PSG11: variants seen among roughly 807,000 people sequenced by gnomAD.
PSG11 encodes pregnancy specific beta-1-glycoprotein 11, also known as pregnancy-specific beta-1-glycoprotein 11.
A neutral mutation model predicts 36.0 loss-of-function variants in PSG11; 42 were observed. The ratio of observed to expected loss-of-function variants is 1.17; its 90% CI spans 0.91 to 1.51. PSG11 has a LOEUF of 1.51. Among genes scored for constraint, PSG11 ranks in the 40% most tolerant of loss-of-function variants. The pLI is 0.00. For missense variants in PSG11, 558 were observed against 403.5 expected (o/e 1.38, Z -3.28); for synonymous variants, 206 against 153.5 (o/e 1.34, Z -2.53).
chr19:43,022,666 G>A (rs1056853844), intron 2 of PSG11, among the ~76,000 whole-genome samples: 3 of 151,314 alleles, frequency 2.0e-5, no homozygotes, highest in Non-Finnish European at 4.4e-5. Flanking sequence ...AGAGTGGTTG[G>A]AGGGACTTCC....
chr19:43,007,965 T>C lies in PSG11; in HGVS notation c.*118A>G, dbSNP rs370959726. The C allele has an allele frequency of 2.5e-6, 1 of 400,170 alleles. No individual in the cohort carries two copies. The allele number at this position is 400,170 out of a possible 1,614,324, so 24.8% of individuals were successfully genotyped here. On this transcript the variant is annotated 3_prime_UTR_variant, in exon 6 of 6. Transcript: ENST00000320078. ...CTGTTCATCAAAATTTTGAAAGTTC[T>C]TAGTCCAGTGGTATGATCTTGAAGT... is the stretch of plus-strand genomic sequence containing the variant.
intron 2 of PSG11, among the ~76,000 whole-genome samples, chr19:43,023,350 G>T (rs1208037152): frequency 1.3e-5 from 2 of 150,802 alleles, no homozygotes; most frequent in African/African-American, 4.9e-5. Context: ...TGTGTCTCTC[G>T]CTGGGCCTGT....
In PSG11 at chr19:43,020,815, T is replaced by A. The variant is rs375296003; in HGVS notation, c.431-1767A>T. ...TATGTTAGTAAATATAGAAAGAACT[T>A]CCTGCTTCTAATTTCTGTGCAGTTA... On this transcript the variant is annotated intron_variant, in intron 2 of 5. Coordinates refer to ENST00000320078, the MANE Select transcript of PSG11 (RefSeq NM_002785.3). 2.2e-4 allele frequency among the ~76,000 whole-genome samples: 34 copies of A among 151,132 alleles called. 2 individuals are homozygous for A. In the South Asian group the frequency reaches 6.9e-3, roughly 31 times the overall value.
chr19:43,012,777 A>C (rs1974108878), intron 4 of PSG11, among the ~76,000 whole-genome samples: 1 of 151,392 alleles, frequency 6.6e-6, no homozygotes, highest in Non-Finnish European at 1.5e-5. Context: ...CAGAAAAAGA[A>C]AAATCTGTCC....
intron 3 of PSG11, chr19:43,017,397 G>A (rs1383519101): frequency 6.6e-6 from 1 of 151,274 alleles, no homozygotes; most frequent in African/African-American, 2.4e-5. Flanking sequence ...ATATATTCTT[G>A]CCCTTTTTTT....
intron 4 of PSG11, among the ~76,000 whole-genome samples, chr19:43,011,905 A>AG (rs1974086496): frequency 6.9e-6 from 1 of 145,428 alleles, no homozygotes; most frequent in Admixed American, 6.9e-5. Context: ...CTCTCTCTTA[A>AG]AAAAAAAAAA....
rs201199378 is a variant in PSG11 at position 43,010,019 on chromosome 19, A to C, written c.987T>G (p.Phe329Leu). The C allele has an allele frequency of 2.5e-6, 4 of 1,609,966 alleles. No homozygotes were observed. The Admixed American group carries it at 6.7e-5, about 27-fold the overall frequency. ...RVIAPPGLGT[F>L]AFNNPT is the part of the protein sequence containing the mutation. ...GCTGCTACGTTGGATTATTGAAAGC[A>C]AAAGTTCCTAATCCTGGAGGAGCTG... Residue 329 changes from phenylalanine to leucine, a missense_variant, in exon 5 of 6, where the codon TTT becomes TTG. Physicochemically the swap from Phe to Leu is conservative, Grantham distance 22. Transcript: ENST00000320078.
rs1017441350 is a variant in PSG11, at chr19:43,024,519, A to C, written c.430+172T>G. ...GTCTGGATGCGGGAAAGGAATTCTG[A>C]TCTGTTGAAATTTGTCTCCTCTGTG... On this transcript the variant is annotated intron_variant, in intron 2 of 5. Transcript: ENST00000320078. The C allele has an allele frequency of 6.2e-6, 8 of 1,294,360 alleles. 1 individual carries two copies. In the African/African-American group the frequency reaches 9.0e-5, roughly 15 times the overall value. 80.2% of individuals were successfully genotyped at this position (1,294,360 alleles called of 1,614,324 possible). A position where few individuals can be genotyped will look rare whatever the true frequency, so the allele number is the denominator to read the frequency against.
At chr19:43,014,993 T>C (rs1251752996) in intron 4 of PSG11, 123 bp downstream of exon 4, 5 of 1,579,790 alleles carry the variant, frequency 3.2e-6, no homozygotes, top group Non-Finnish European at 4.3e-6. Context: ...AGGAGGAGAA[T>C]TTGGGATTTG....
rs1195259262 is a variant in PSG11 at position 43,025,936 on chromosome 19, CTTTTTTTTTTTT to C, written c.64+361_64+372del. ...CTTTCCTTTTTTTTTTTTTTTTTCT[CTTTTTTTTTTTT>C]TTTTTTTTTTTGAGATGGAGTCTCG... On this transcript the variant is annotated intron_variant, in intron 1 of 5. Transcript: ENST00000320078. Among the ~76,000 whole-genome samples, 23 of 68,146 alleles carry C rather than the reference CTTTTTTTTTTTT, an allele frequency of 3.4e-4. No homozygotes were observed. The South Asian group carries it at 4.8e-3, about 14-fold the overall frequency. 44.7% of individuals were successfully genotyped at this position (68,146 alleles called of 152,430 possible).
chr19:43,015,821 T>A, intron 3 of PSG11: 1 of 1,610,252 alleles, frequency 6.2e-7, no homozygotes, highest in East Asian at 2.2e-5. Flanking sequence ...CGGTCCCGTA[T>A]TTCACATTGA....
intron 5 of PSG11, among the ~76,000 whole-genome samples, chr19:43,008,840 T>C (rs965842101): frequency 6.6e-6 from 1 of 151,224 alleles, no homozygotes; most frequent in Non-Finnish European, 1.5e-5. Context: ...TCATTTAGTT[T>C]TAAGTTCTAC....
chr19:43,012,235 G>A (rs1054600526), intron 4 of PSG11, among the ~76,000 whole-genome samples: 3 of 151,388 alleles, frequency 2.0e-5, no homozygotes, highest in Admixed American at 2.0e-4. Flanking sequence ...CTATGAGCAG[G>A]AACAAGACAA....
intron 3 of PSG11, among the ~76,000 whole-genome samples, chr19:43,017,885 TCTTTC>T (rs1398493289): frequency 1.3e-5 from 2 of 151,612 alleles, no homozygotes; most frequent in African/African-American, 4.9e-5. Flanking sequence ...GAATTGAAAT[TCTTTC>T]CTTAATTTCC....
In PSG11 at chr19:43,021,132, CT is replaced by C. The variant is rs1476575876; in HGVS notation, c.431-2085del. Among the ~76,000 whole-genome samples the C allele has an allele frequency of 4.6e-5, 7 of 151,396 alleles. 1 individual carries two copies. Among genetic ancestry groups the C allele is most frequent in the Non-Finnish European group, 8.8e-5 (6 of 67,906 alleles). On this transcript the variant is annotated intron_variant, in intron 2 of 5. Transcript: ENST00000320078. ...ATTCCTCTTAAGTATGTGTTACAGC[CT>C]TTGTAGTTGTCCCACAGCTACAAAA... is the stretch of plus-strand genomic sequence containing the variant.
At chr19:43,016,791 G>A (rs1299287225) in intron 3 of PSG11, among the ~76,000 whole-genome samples, 1 of 151,548 alleles carries the variant, frequency 6.6e-6, no homozygotes, top group Admixed American at 6.6e-5. Flanking sequence ...GGTCCTTTAA[G>A]TTTCCTTTCC....
chr19:43,013,562 C>G (rs1221788513), intron 4 of PSG11, among the ~76,000 whole-genome samples: 2 of 151,234 alleles, frequency 1.3e-5, no homozygotes, highest in Non-Finnish European at 2.9e-5. Context: ...CAATGTTACA[C>G]CACCTCACAA....
rs1300471706 is a variant in PSG11, at chr19:43,024,750, A to C, written c.371T>G (p.Ile124Ser). 1.2e-6 allele frequency: 2 copies of C among 1,611,792 alleles called. No individual in the cohort carries two copies. Among genetic ancestry groups the C allele is most frequent in the South Asian group, 2.2e-5 (2 of 90,800 alleles). The change falls in exon 2 of 6, where the codon ATC (isoleucine) becomes AGC (serine). Residue 124 changes from isoleucine to serine, a missense_variant. Physicochemically the swap from Ile to Ser is moderately radical, Grantham distance 142. Transcript: ENST00000320078. ...REDAGSYTLHIIKRGDGTRGV... is the reference protein window; with the variant it reads ...REDAGSYTLHSIKRGDGTRGV... ...TCTAGTCCCATCACCTCGCTTTATGATGTGTAAGGTGTAGGATCCTGCGTC... is the reference window on the plus strand; with the variant it reads ...TCTAGTCCCATCACCTCGCTTTATGCTGTGTAAGGTGTAGGATCCTGCGTC...
At chr19:43,018,700 A>T (rs992273458) in intron 3 of PSG11, 70 bp downstream of exon 3, 3 of 1,610,794 alleles carry the variant, frequency 1.9e-6, no homozygotes, top group Non-Finnish European at 2.5e-6. Flanking sequence ...AGAGGGACTG[A>T]GAGGCCTGGC....
Sources: allele counts gnomAD v4.1 joint callset (sites outside exome capture counted in the v4.1 genomes callset), GRCh38; gene constraint gnomAD v4.1.1; transcripts MANE v1.5; gene names NCBI Gene and HGNC (gene_info 2026-07-23, HGNC 2026-07-21).